The following TMEM163 variants were observed in gnomAD, a reference collection of about 807,000 sequenced individuals.
The protein encoded by TMEM163 is transmembrane protein 163.
TMEM163 carries 17 observed loss-of-function variants against 29.3 expected under a neutral mutation model. That is an observed-to-expected ratio of 0.58 (90% CI 0.40 to 0.87). TMEM163 has a LOEUF of 0.87. Among genes scored for constraint, TMEM163 ranks in the 40% least tolerant of loss-of-function variants. TMEM163 has a pLI of 0.00. For synonymous variants in TMEM163, 157 were observed against 160.6 expected (o/e 0.98, Z 0.17); for missense variants, 303 against 381.5 (o/e 0.79, Z 1.71).
intron 2 of TMEM163, among the ~76,000 whole-genome samples, chr2:134,604,855 C>T (rs1373674121): frequency 6.6e-6 from 1 of 152,084 alleles, no homozygotes; most frequent in African/African-American, 2.4e-5. Context: ...AAATGTTTCA[C>T]CTATCAGTTT....
At chr2:134,631,515 A>G (rs1056607624) in intron 2 of TMEM163, among the ~76,000 whole-genome samples, 2 of 152,138 alleles carry the variant, frequency 1.3e-5, no homozygotes, top group African/African-American at 4.8e-5. Context: ...CTGCTGCTCT[A>G]CTGGAAAGGG....
At position 134,587,158 on chromosome 2, in the gene TMEM163, C is replaced by T. The variant is rs571152788; in HGVS notation, c.323-35067G>A. On this transcript the variant is annotated intron_variant, in intron 2 of 7. Transcript: ENST00000281924. Reference sequence around the variant, plus strand: ...GGGCATAGTGGCTCACGCCTGTAATCCCAGCACTTTGGGAGGCCGAGTTGG... The same window carrying T: ...GGGCATAGTGGCTCACGCCTGTAATTCCAGCACTTTGGGAGGCCGAGTTGG... Among the ~76,000 whole-genome samples, 356 of 152,308 alleles carry T rather than the reference C, an allele frequency of 2.3e-3. 7 individuals are homozygous for T. The highest frequency in any genetic ancestry group is 9.8e-4 in the Admixed American group (15 of 15,306).
At chr2:134,583,558 T>C (rs1201421854) in intron 2 of TMEM163, among the ~76,000 whole-genome samples, 2 of 152,160 alleles carry the variant, frequency 1.3e-5, no homozygotes. Context: ...CCGTTTGATC[T>C]ACAATCGAGA....
chr2:134,519,141 G>A (rs1336458536), intron 4 of TMEM163, among the ~76,000 whole-genome samples: 2 of 152,158 alleles, frequency 1.3e-5, no homozygotes, highest in South Asian at 2.1e-4. Context: ...CCACAATTCC[G>A]TGTTGCCATT....
intron 4 of TMEM163, among the ~76,000 whole-genome samples, chr2:134,516,660 T>C (rs867466970): frequency 6.8e-6 from 1 of 147,518 alleles, no homozygotes; most frequent in African/African-American, 2.5e-5. Flanking sequence ...CATACATATA[T>C]TCATACATAT....
chr2:134,716,630 C>A (rs1685042586), intron 1 of TMEM163, among the ~76,000 whole-genome samples: 2 of 152,156 alleles, frequency 1.3e-5, no homozygotes, highest in Admixed American at 6.5e-5. Flanking sequence ...AGTGCTGGGG[C>A]TTCCTCCTCC....
chr2:134,580,900 G>A (rs1468347260), intron 2 of TMEM163, among the ~76,000 whole-genome samples: 4 of 152,274 alleles, frequency 2.6e-5, no homozygotes, highest in South Asian at 2.1e-4. Flanking sequence ...GTGACAGAGC[G>A]AGACTCTGCC....
chr2:134,511,155 G>GT lies in TMEM163; in HGVS notation c.459-8159_459-8158insA, dbSNP rs1434330519. 1.1e-4 allele frequency among the ~76,000 whole-genome samples: 16 copies of GT among 148,862 alleles called. 2 individuals are homozygous for GT. The highest frequency in any genetic ancestry group is 3.8e-4 in the African/African-American group (15 of 39,072). Reference sequence around the variant, plus strand: ...GCAGAAAAAAGGGGAGAACAAGGCGGGGGGGGGTGCTGTTACTTTATATCC... The same window carrying GT: ...GCAGAAAAAAGGGGAGAACAAGGCGGTGGGGGGGTGCTGTTACTTTATATCC... On this transcript the variant is annotated intron_variant, in intron 4 of 7. Transcript: ENST00000281924.
intron 5 of TMEM163, among the ~76,000 whole-genome samples, chr2:134,493,312 G>A (rs998267330): frequency 7.1e-6 from 1 of 141,044 alleles, no homozygotes; most frequent in Non-Finnish European, 1.5e-5. Context: ...AGTTTATTCT[G>A]ATGAAGTCCA....
chr2:134,701,502 T>C (rs1257480402), intron 2 of TMEM163, among the ~76,000 whole-genome samples: 3 of 152,196 alleles, frequency 2.0e-5, no homozygotes, highest in Non-Finnish European at 2.9e-5. Flanking sequence ...TACCCACTCA[T>C]CCCCAACTCT....
chr2:134,624,432 G>A (rs898271304), intron 2 of TMEM163, among the ~76,000 whole-genome samples: 1 of 152,112 alleles, frequency 6.6e-6, no homozygotes, highest in Non-Finnish European at 1.5e-5. Flanking sequence ...ACACGAAGAG[G>A]GGAACGACAC....
intron 2 of TMEM163, among the ~76,000 whole-genome samples, chr2:134,701,024 C>A (rs375659227): frequency 1.4e-4 from 21 of 151,182 alleles, no homozygotes; most frequent in Non-Finnish European, 2.9e-4. Context: ...TAGATGAATG[C>A]AGATGCATGG....
chr2:134,650,930 A>G (rs1371566976), intron 2 of TMEM163, among the ~76,000 whole-genome samples: 4 of 121,098 alleles, frequency 3.3e-5, no homozygotes, highest in Non-Finnish European at 6.5e-5. Flanking sequence ...CATTTTCTTA[A>G]TCCAGTCTAT....
intron 4 of TMEM163, among the ~76,000 whole-genome samples, chr2:134,545,900 G>A (rs1259200828): frequency 6.6e-6 from 1 of 152,098 alleles, no homozygotes; most frequent in African/African-American, 2.4e-5. Context: ...CATTAGCTTT[G>A]CCATTATCCT....
intron 2 of TMEM163, among the ~76,000 whole-genome samples, chr2:134,593,061 G>T (rs1681974876): frequency 6.6e-6 from 1 of 152,150 alleles, no homozygotes; most frequent in African/African-American, 2.4e-5. Flanking sequence ...AAAAAGACAG[G>T]ATAGTAAGTG....
chr2:134,551,124 C>T (rs1160532564), intron 3 of TMEM163, among the ~76,000 whole-genome samples: 2 of 152,114 alleles, frequency 1.3e-5, no homozygotes, highest in African/African-American at 4.8e-5. Context: ...TTTAAAGTTG[C>T]ATATAAAATT....
In TMEM163 at chr2:134,541,072, AAT is replaced by A. The variant is rs1397341329; in HGVS notation, c.458+9496_458+9497del. Among the ~76,000 whole-genome samples, 9 of 152,252 alleles carry A rather than the reference AAT, an allele frequency of 5.9e-5. 1 individual carries two copies. In the East Asian group the frequency reaches 1.5e-3, roughly 26 times the overall value. ...AACACCCATGGCATTGCAGAAAAAGAATATGAGTGGTGAAGGCAAAGCAGGAA... is the reference window on the plus strand; with the variant it reads ...AACACCCATGGCATTGCAGAAAAAGAATGAGTGGTGAAGGCAAAGCAGGAA... On this transcript the variant is annotated intron_variant, in intron 4 of 7. Transcript: ENST00000281924.
intron 2 of TMEM163, among the ~76,000 whole-genome samples, chr2:134,602,959 C>T (rs1412017307): frequency 1.3e-5 from 2 of 152,134 alleles, no homozygotes; most frequent in African/African-American, 4.8e-5. Flanking sequence ...AGCTATACTC[C>T]CTATTGGACA....
chr2:134,674,512 ACCATATCT>A (rs1558987394), intron 2 of TMEM163, among the ~76,000 whole-genome samples: 2 of 30,296 alleles, frequency 6.6e-5, no homozygotes, highest in East Asian at 7.0e-4. Context: ...CGCGCGCGCT[ACCATATCT>A]GGCTAATTTT....
Sources: allele counts gnomAD v4.1 joint callset (sites outside exome capture counted in the v4.1 genomes callset), GRCh38; gene constraint gnomAD v4.1.1; transcripts MANE v1.5; gene names NCBI Gene and HGNC (gene_info 2026-07-23, HGNC 2026-07-21).